The following SEMA5A variants were observed in gnomAD, a reference collection of about 807,000 sequenced individuals.
SEMA5A encodes semaphorin 5A.
In SEMA5A, 55 loss-of-function variants were observed where a neutral mutation model predicts 135.5. The observed-to-expected ratio is 0.41, with a 90% CI of 0.33 to 0.51. The LOEUF (loss-of-function observed/expected upper bound fraction) is 0.51. SEMA5A is among the 20% of genes least tolerant of loss of function. The probability of loss-of-function intolerance (pLI) is 0.37; values close to 1 mark genes in which losing one functional copy is unlikely to be tolerated. For missense variants in SEMA5A, 1,290 were observed against 1,419.9 expected, an observed-to-expected ratio of 0.91 and a Z score of 1.47; for synonymous variants, 580 against 546.5, an observed-to-expected ratio of 1.06 and a Z score of -0.85.
Position 9,042,630 on chromosome 5 carries a change from G to A in SEMA5A, c.*267C>T. 2.5e-6 allele frequency: 1 copy of A among 394,572 alleles called. No individual in the cohort carries two copies. 24.4% of individuals were successfully genotyped at this position (394,572 alleles called of 1,614,324 possible). A position where few individuals can be genotyped will look rare whatever the true frequency, so the allele number is the denominator to read the frequency against. ...AATAATGCTCAAAAAACAAACCAAT[G>A]GACTTGTCAGAAAAATAGGATGAAC... is the stretch of plus-strand genomic sequence containing the variant. On this transcript the variant is annotated 3_prime_UTR_variant, in exon 23 of 23. Coordinates refer to ENST00000382496, the MANE Select transcript of SEMA5A (RefSeq NM_003966.3).
chr5:9,148,649 C>T (rs1460866501), intron 12 of SEMA5A, among the ~76,000 whole-genome samples: 2 of 152,140 alleles, frequency 1.3e-5, no homozygotes, highest in Non-Finnish European at 2.9e-5. Context: ...TGCCAGGCTA[C>T]AGCATGGAAC....
intron 2 of SEMA5A, 26 bp from the exon 3 acceptor site, chr5:9,380,049 A>C (rs1210367804): frequency 6.9e-7 from 1 of 1,439,368 alleles, no homozygotes; most frequent in East Asian, 2.3e-5. Flanking sequence ...GAGAAGAATC[A>C]GATGACTGTG....
chr5:9,234,809 T>C (rs2150443734), intron 6 of SEMA5A, among the ~76,000 whole-genome samples: 1 of 152,334 alleles, frequency 6.6e-6, no homozygotes, highest in South Asian at 2.1e-4. Context: ...TTGATTTTAC[T>C]TGAAAATATT....
At chr5:9,057,939 C>A (rs1467151080) in intron 18 of SEMA5A, among the ~76,000 whole-genome samples, 1 of 152,116 alleles carries the variant, frequency 6.6e-6, no homozygotes, top group Non-Finnish European at 1.5e-5. Flanking sequence ...AAGGCCAAAG[C>A]ATTTCTAAAA....
At chr5:9,429,493 T>C (rs1047238921) in intron 2 of SEMA5A, among the ~76,000 whole-genome samples, 11 of 152,200 alleles carry the variant, frequency 7.2e-5, no homozygotes, top group African/African-American at 2.4e-4. Context: ...TTATGTAAAA[T>C]TGATAAACAA....
chr5:9,367,744 G>GCA (rs1754977304), intron 3 of SEMA5A, among the ~76,000 whole-genome samples: 1 of 152,212 alleles, frequency 6.6e-6, no homozygotes, highest in Non-Finnish European at 1.5e-5. Flanking sequence ...ATGTTGGCAT[G>GCA]TGGTCCCCAA....
intron 1 of SEMA5A, among the ~76,000 whole-genome samples, chr5:9,481,366 G>A (rs957938059): frequency 6.6e-6 from 1 of 152,120 alleles, no homozygotes; most frequent in Non-Finnish European, 1.5e-5. Context: ...CTATTTTGGT[G>A]GCTTATTTTG....
intron 16 of SEMA5A, among the ~76,000 whole-genome samples, chr5:9,105,259 A>T (rs956148794): frequency 2.6e-5 from 4 of 152,222 alleles, no homozygotes; most frequent in Admixed American, 2.6e-4. Flanking sequence ...TTGAGATTCA[A>T]ATAAAGGCTT....
intron 5 of SEMA5A, among the ~76,000 whole-genome samples, chr5:9,268,242 T>C (rs1320446028): frequency 2.6e-5 from 4 of 152,158 alleles, no homozygotes; most frequent in Non-Finnish European, 5.9e-5. Context: ...GCTGATTCAC[T>C]TGGGATGATC....
chr5:9,106,745 AAT>A (rs1175805571), intron 16 of SEMA5A, among the ~76,000 whole-genome samples: 3 of 152,246 alleles, frequency 2.0e-5, no homozygotes, highest in African/African-American at 7.2e-5. Context: ...ATTTAAAATA[AAT>A]AGTTTTAAAT....
At chr5:9,191,216 T>C (rs1399634140) in intron 10 of SEMA5A, among the ~76,000 whole-genome samples, 1 of 151,990 alleles carries the variant, frequency 6.6e-6, no homozygotes, top group Non-Finnish European at 1.5e-5. Flanking sequence ...AGATTTCAGA[T>C]AGAGCAAATA....
intron 1 of SEMA5A, chr5:9,511,835 T>G (rs1736221390): frequency 6.6e-6 from 1 of 152,094 alleles, no homozygotes; most frequent in South Asian, 2.1e-4. Context: ...CAATTAAAAA[T>G]AAATTAAATA....
chr5:9,419,058 T>C (rs1261582714), intron 2 of SEMA5A, among the ~76,000 whole-genome samples: 2 of 152,050 alleles, frequency 1.3e-5, no homozygotes, highest in Non-Finnish European at 2.9e-5. Context: ...GAGATTTTGG[T>C]AAGTTGTGTC....
rs79075800 is a variant in SEMA5A at position 9,370,741 on chromosome 5, A to G, written c.124+9082T>C. Among the ~76,000 whole-genome samples the G allele has an allele frequency of 2.9e-3, 446 of 152,290 alleles. 5 individuals are homozygous for G. The highest frequency in any genetic ancestry group is 0.01 in the African/African-American group (418 of 41,578). ...ACATCACCACTGCTATCCACTGGAG[A>G]TGGCATAAGCTTTGTCTCCCAAATG... On this transcript the variant is annotated intron_variant, in intron 3 of 22. Coordinates refer to ENST00000382496, the MANE Select transcript of SEMA5A (RefSeq NM_003966.3).
At chr5:9,448,064 T>C (rs748127405) in intron 1 of SEMA5A, among the ~76,000 whole-genome samples, 1 of 152,172 alleles carries the variant, frequency 6.6e-6, no homozygotes, top group Non-Finnish European at 1.5e-5. Context: ...CAGATGCACT[T>C]TTGGAGGGGC....
At chr5:9,353,169 A>G (rs1188114021) in intron 3 of SEMA5A, among the ~76,000 whole-genome samples, 8 of 66,410 alleles carry the variant, frequency 1.2e-4, no homozygotes, top group African/African-American at 2.1e-4. Flanking sequence ...AAGGAGGGAA[A>G]GGAAGGGAAA....
At chr5:9,171,941 G>T (rs1393636818) in intron 11 of SEMA5A, among the ~76,000 whole-genome samples, 1 of 152,156 alleles carries the variant, frequency 6.6e-6, no homozygotes, top group Non-Finnish European at 1.5e-5. Context: ...CCAGAGCAAA[G>T]AACTGATCAC....
At chr5:9,134,193 C>CTTTCT (rs1741600329) in intron 13 of SEMA5A, among the ~76,000 whole-genome samples, 1 of 152,182 alleles carries the variant, frequency 6.6e-6, no homozygotes, top group Admixed American at 6.5e-5. Flanking sequence ...TGAAAGCAGA[C>CTTTCT]TAATACAAGT....
At chr5:9,397,050 CAA>C (rs11345966) in intron 2 of SEMA5A, among the ~76,000 whole-genome samples, 12,800 of 138,764 alleles carry the variant, frequency 0.092, 591 homozygotes, top group Non-Finnish European at 0.1. Flanking sequence ...ACAAGGAAGA[CAA>C]AAAAAAAAAA....
Sources: allele counts gnomAD v4.1 joint callset (sites outside exome capture counted in the v4.1 genomes callset), GRCh38; gene constraint gnomAD v4.1.1; transcripts MANE v1.5; gene names NCBI Gene and HGNC (gene_info 2026-07-23, HGNC 2026-07-21).